Variants in RALYL observed in about 807,000 individuals in gnomAD.
The protein encoded by RALYL is RALY RNA binding protein like, also known as RNA-binding Raly-like protein.
In RALYL, 29 loss-of-function variants were observed where a neutral mutation model predicts 35.1. The observed-to-expected ratio is 0.83, with a 90% CI of 0.61 to 1.13. The LOEUF is 1.13. Among genes scored for constraint, RALYL ranks in the 50% most tolerant of loss-of-function variants. The probability of loss-of-function intolerance (pLI) is 0.00; values close to 1 mark genes in which losing one functional copy is unlikely to be tolerated. For synonymous variants in RALYL, 120 were observed against 127.6 expected, an observed-to-expected ratio of 0.94 and a Z score of 0.40; for missense variants, 359 against 360.4, an observed-to-expected ratio of 1.00 and a Z score of 0.03.
At chr8:84,314,742 A>G (rs1439015748) in intron 1 of RALYL, among the ~76,000 whole-genome samples, 1 of 152,158 alleles carries the variant, frequency 6.6e-6, no homozygotes, top group African/African-American at 2.4e-5. Flanking sequence ...TAATCAGTCA[A>G]TCAGTTTTAA....
chr8:84,627,704 G>A (rs1588619540), intron 2 of RALYL, among the ~76,000 whole-genome samples: 1 of 151,476 alleles, frequency 6.6e-6, no homozygotes, highest in South Asian at 2.1e-4. Context: ...TATGAGCTGA[G>A]GTCTTATAGA....
intron 4 of RALYL, among the ~76,000 whole-genome samples, chr8:84,843,218 C>G (rs1563727085): frequency 6.6e-6 from 1 of 152,102 alleles, no homozygotes; most frequent in African/African-American, 2.4e-5. Flanking sequence ...CTAGAAAACC[C>G]CACTGTCTCA....
At chr8:84,450,949 G>C (rs1205205553) in intron 1 of RALYL, among the ~76,000 whole-genome samples, 3 of 151,782 alleles carry the variant, frequency 2.0e-5, no homozygotes, top group African/African-American at 7.3e-5. Flanking sequence ...TTATGTCTGG[G>C]TGTCTGTTCC....
chr8:84,875,590 AAATG>A (rs1233692981), intron 7 of RALYL, among the ~76,000 whole-genome samples: 1 of 152,178 alleles, frequency 6.6e-6, no homozygotes, highest in African/African-American at 2.4e-5. Flanking sequence ...TTTATGAAGA[AAATG>A]AATTTGTAAC....
At chr8:84,307,715 C>A (rs186048119) in intron 1 of RALYL, among the ~76,000 whole-genome samples, 204 of 152,220 alleles carry the variant, frequency 1.3e-3, no homozygotes, top group African/African-American at 4.5e-3. Context: ...GCAAGGACCG[C>A]CCCAGTTACA....
At chr8:84,249,871 A>G (rs929588553) in intron 1 of RALYL, among the ~76,000 whole-genome samples, 3 of 121,202 alleles carry the variant, frequency 2.5e-5, no homozygotes, top group African/African-American at 9.2e-5. Context: ...TTTTGAGTTC[A>G]AAGGTTTTTT....
At chr8:84,524,967 T>C (rs1183795020) in intron 1 of RALYL, among the ~76,000 whole-genome samples, 2 of 140,824 alleles carry the variant, frequency 1.4e-5, no homozygotes, top group East Asian at 4.1e-4. Context: ...ACTTTTATCC[T>C]ATATGTCTAG....
chr8:84,488,534 C>G (rs775054368), intron 1 of RALYL, among the ~76,000 whole-genome samples: 1 of 151,970 alleles, frequency 6.6e-6, no homozygotes, highest in Non-Finnish European at 1.5e-5. Context: ...GAACCTTGCT[C>G]CCTTTCTTCC....
chr8:84,555,141 T>C (rs1588151004), intron 2 of RALYL, among the ~76,000 whole-genome samples: 1 of 152,016 alleles, frequency 6.6e-6, no homozygotes, highest in East Asian at 1.9e-4. Context: ...TAGCCGGGCG[T>C]GGTGGCACAC....
At chr8:84,654,074 AAC>A (rs201959436) in intron 2 of RALYL, among the ~76,000 whole-genome samples, 8 of 149,282 alleles carry the variant, frequency 5.4e-5, no homozygotes, top group Middle Eastern at 3.5e-3. Flanking sequence ...TGTATATATA[AAC>A]ACACACACAC....
chr8:84,428,414 T>G (rs184327408), intron 1 of RALYL, among the ~76,000 whole-genome samples: 7 of 152,302 alleles, frequency 4.6e-5, no homozygotes, highest in Admixed American at 4.6e-4. Flanking sequence ...TTGGTTTCAA[T>G]TCAGATGTAC....
chr8:84,185,114 T>G, intron 1 of RALYL: 1 of 1,239,906 alleles, frequency 8.1e-7, no homozygotes, highest in Non-Finnish European at 1.2e-6. Flanking sequence ...GCGTTGGTTT[T>G]AAGTGCCTGC....
At chr8:84,716,913 A>G (rs1843023840) in intron 2 of RALYL, among the ~76,000 whole-genome samples, 1 of 152,268 alleles carries the variant, frequency 6.6e-6, no homozygotes, top group East Asian at 1.9e-4. Context: ...ACAAAATACA[A>G]GAAATTGTAG....
intron 2 of RALYL, among the ~76,000 whole-genome samples, chr8:84,694,203 A>G (rs1350578168): frequency 6.6e-6 from 1 of 151,958 alleles, no homozygotes; most frequent in Non-Finnish European, 1.5e-5. Context: ...TTATATAGAG[A>G]AATCCTAAAG....
At chr8:84,340,363 G>A (rs555946129) in intron 1 of RALYL, among the ~76,000 whole-genome samples, 61 of 152,090 alleles carry the variant, frequency 4.0e-4, no homozygotes, top group Non-Finnish European at 7.5e-4. Flanking sequence ...TGGGTACAGT[G>A]TTGTACAGCA....
chr8:84,585,863 G>A (rs1471644799), intron 2 of RALYL, among the ~76,000 whole-genome samples: 1 of 152,046 alleles, frequency 6.6e-6, no homozygotes, highest in African/African-American at 2.4e-5. Flanking sequence ...TGCTGAGACT[G>A]GGATCAGGCG....
intron 1 of RALYL, among the ~76,000 whole-genome samples, chr8:84,302,542 C>A (rs1463947487): frequency 1.3e-5 from 2 of 152,046 alleles, no homozygotes; most frequent in Non-Finnish European, 2.9e-5. Flanking sequence ...AAATTTTATC[C>A]TTTTGGTAAT....
intron 2 of RALYL, among the ~76,000 whole-genome samples, chr8:84,590,771 T>A (rs1813064772): frequency 6.6e-6 from 1 of 152,168 alleles, no homozygotes; most frequent in African/African-American, 2.4e-5. Flanking sequence ...GTCGGGAAAG[T>A]TGATTATATA....
chr8:84,281,486 C>T (rs1173368275), intron 1 of RALYL, among the ~76,000 whole-genome samples: 1 of 151,430 alleles, frequency 6.6e-6, no homozygotes, highest in Admixed American at 6.6e-5. Context: ...AATATAACTA[C>T]ACAGAGTGTC....
Sources: allele counts gnomAD v4.1 joint callset (sites outside exome capture counted in the v4.1 genomes callset), GRCh38; gene constraint gnomAD v4.1.1; transcripts MANE v1.5; gene names NCBI Gene and HGNC (gene_info 2026-07-23, HGNC 2026-07-21).